Variants in ERI3 observed in about 807,000 individuals in gnomAD.
The protein encoded by ERI3 is ERI1 exoribonuclease family member 3.
ERI3 carries 18 observed loss-of-function variants against 44.4 expected under a neutral mutation model. The ratio of observed to expected loss-of-function variants is 0.41; its 90% CI spans 0.28 to 0.60. The LOEUF (loss-of-function observed/expected upper bound fraction) is 0.60, where lower values mean the gene tolerates loss of function less well. Ranked by LOEUF, ERI3 falls within the 20% of genes least tolerant of loss-of-function variation. ERI3 has a pLI of 0.36. For synonymous variants in ERI3, 183 were observed against 164.8 expected (o/e 1.11, Z -0.84); for missense variants, 294 against 435.5 (o/e 0.68, Z 2.89).
At chr1:44,290,834 C>A (rs1178855804) in intron 6 of ERI3, among the ~76,000 whole-genome samples, 1 of 152,128 alleles carries the variant, frequency 6.6e-6, no homozygotes, top group Non-Finnish European at 1.5e-5. Flanking sequence ...GCCAGAGGTG[C>A]CTATCTCCTC....
At chr1:44,271,252 G>C (rs1645081950) in intron 7 of ERI3, among the ~76,000 whole-genome samples, 1 of 152,186 alleles carries the variant, frequency 6.6e-6, no homozygotes, top group African/African-American at 2.4e-5. Context: ...TGGTCCACAT[G>C]AGTAGCTTAA....
At chr1:44,259,839 C>T (rs1644854854) in intron 7 of ERI3, among the ~76,000 whole-genome samples, 3 of 151,740 alleles carry the variant, frequency 2.0e-5, no homozygotes, top group Admixed American at 2.0e-4. Flanking sequence ...GTATTTGTGC[C>T]ACTGAACTCC....
chr1:44,226,815 A>ACACACACACAC (rs1557764548), intron 8 of ERI3, among the ~76,000 whole-genome samples: 10 of 149,490 alleles, frequency 6.7e-5, no homozygotes, highest in South Asian at 6.4e-4. Flanking sequence ...ACACACACAC[A>ACACACACACAC]AACTATCCTA....
At chr1:44,227,558 AT>A (rs150150122) in intron 8 of ERI3, among the ~76,000 whole-genome samples, 11,343 of 152,168 alleles carry the variant, frequency 0.075, 1,309 homozygotes, top group African/African-American at 0.25. Context: ...CTTATACTAT[AT>A]TTTTTATACT....
chr1:44,277,694 T>C (rs1191304528), intron 7 of ERI3, among the ~76,000 whole-genome samples: 2 of 152,238 alleles, frequency 1.3e-5, no homozygotes, highest in Non-Finnish European at 2.9e-5. Flanking sequence ...AATACCACAC[T>C]CTTACAGTCT....
intron 6 of ERI3, among the ~76,000 whole-genome samples, chr1:44,293,187 T>C (rs1645543434): frequency 6.6e-6 from 1 of 152,232 alleles, no homozygotes; most frequent in Non-Finnish European, 1.5e-5. Flanking sequence ...AACTATGGCC[T>C]ACCACCAGGA....
At chr1:44,348,945 T>G (rs1181401691) in intron 2 of ERI3, among the ~76,000 whole-genome samples, 1 of 151,860 alleles carries the variant, frequency 6.6e-6, no homozygotes, top group Non-Finnish European at 1.5e-5. Context: ...CTTCCCAGAG[T>G]GCTGGTGAAA....
intron 7 of ERI3, among the ~76,000 whole-genome samples, chr1:44,273,918 C>T (rs981849274): frequency 6.6e-6 from 1 of 152,144 alleles, no homozygotes. Flanking sequence ...TATGGAGAGA[C>T]AGGAGATGTG....
intron 8 of ERI3, among the ~76,000 whole-genome samples, chr1:44,232,992 C>G (rs1313356473): frequency 1.3e-5 from 2 of 152,120 alleles, no homozygotes; most frequent in African/African-American, 4.8e-5. Flanking sequence ...TCTTGCCAAT[C>G]CTCAACTCTC....
At chr1:44,230,157 A>G (rs1363408518) in intron 8 of ERI3, among the ~76,000 whole-genome samples, 1 of 152,200 alleles carries the variant, frequency 6.6e-6, no homozygotes. Context: ...AGATAATATC[A>G]TCGGGCCTTA....
chr1:44,301,239 G>C (rs1223595704), intron 6 of ERI3, among the ~76,000 whole-genome samples: 1 of 152,130 alleles, frequency 6.6e-6, no homozygotes, highest in African/African-American at 2.4e-5. Flanking sequence ...CACTCTCTCT[G>C]AGCTCAGACT....
rs998877018 is a variant in ERI3 at position 44,326,464 on chromosome 1, C to A, written c.490-6720G>T. ...GGAGCTTATTTCTTAAACAAACACT[C>A]GTGGTTTTGATTTACACCACAGTCT... On this transcript the variant is annotated intron_variant, in intron 3 of 8. Coordinates refer to ENST00000372257, the MANE Select transcript of ERI3 (RefSeq NM_024066.3). Among the ~76,000 whole-genome samples, 8 of 152,306 alleles carry A rather than the reference C, an allele frequency of 5.3e-5. No homozygotes were observed. In the East Asian group the frequency reaches 1.3e-3, roughly 26 times the overall value.
chr1:44,332,019 T>G (rs1458563173), intron 3 of ERI3, among the ~76,000 whole-genome samples: 1 of 152,196 alleles, frequency 6.6e-6, no homozygotes, highest in Non-Finnish European at 1.5e-5. Context: ...TCCTTGAGGG[T>G]AGGGACCATT....
intron 6 of ERI3, among the ~76,000 whole-genome samples, chr1:44,306,770 T>C (rs974802533): frequency 7.9e-5 from 12 of 152,228 alleles, no homozygotes; most frequent in African/African-American, 2.4e-4. Context: ...AGAACAACAC[T>C]GGATGAAGGG....
chr1:44,236,046 T>C (rs1025692397), intron 8 of ERI3, among the ~76,000 whole-genome samples: 4 of 152,222 alleles, frequency 2.6e-5, no homozygotes, highest in African/African-American at 9.6e-5. Flanking sequence ...CTTTGTTTGT[T>C]TGTCGCTAAC....
At chr1:44,274,251 C>T (rs1010478983) in intron 7 of ERI3, among the ~76,000 whole-genome samples, 4 of 152,162 alleles carry the variant, frequency 2.6e-5, no homozygotes, top group African/African-American at 7.2e-5. Context: ...GGAATCATTT[C>T]GGAATTAAAT....
chr1:44,291,207 G>A (rs1176205065), intron 6 of ERI3, among the ~76,000 whole-genome samples: 1 of 152,202 alleles, frequency 6.6e-6, no homozygotes, highest in Non-Finnish European at 1.5e-5. Flanking sequence ...GAGGAGGGTA[G>A]AGAGAAGGCA....
chr1:44,238,588 C>T (rs1170827143), intron 8 of ERI3, among the ~76,000 whole-genome samples: 1 of 152,132 alleles, frequency 6.6e-6, no homozygotes, highest in East Asian at 1.9e-4. Context: ...CTTCTCCCAC[C>T]AGAAGCATCT....
At chr1:44,292,098 T>C (rs1266396790) in intron 6 of ERI3, among the ~76,000 whole-genome samples, 1 of 152,120 alleles carries the variant, frequency 6.6e-6, no homozygotes, top group African/African-American at 2.4e-5. Flanking sequence ...AGGAGATCGA[T>C]TGAGACCAAA....
Sources: gnomAD v4.1 joint callset for allele counts (sites outside exome capture counted in the v4.1 genomes callset) on GRCh38, gnomAD v4.1.1 for gene constraint, MANE v1.5 for transcripts, NCBI Gene and HGNC (gene_info 2026-07-23, HGNC 2026-07-21) for gene names.